Variants in TTC28 observed in about 807,000 individuals in gnomAD.
The protein encoded by TTC28 is tetratricopeptide repeat protein 28.
Under a neutral mutation model 198.0 loss-of-function variants are expected in TTC28, and 61 were observed. That is an observed-to-expected ratio of 0.31 (90% confidence interval 0.25 to 0.38). The LOEUF is 0.38. Ranked by LOEUF, TTC28 falls within the 10% of genes least tolerant of loss-of-function variation. The pLI is 1.00. For synonymous variants in TTC28, 1,171 were observed against 1,297.8 expected (o/e 0.90, Z 2.10); for missense variants, 2,678 against 3,164.0 (o/e 0.85, Z 3.69).
intron 1 of TTC28, among the ~76,000 whole-genome samples, chr22:28,656,037 G>C (rs937245183): frequency 6.6e-6 from 1 of 152,130 alleles, no homozygotes; most frequent in Non-Finnish European, 1.5e-5. Context: ...AACTGAGTTT[G>C]AAATTTTTAA....
intron 2 of TTC28, among the ~76,000 whole-genome samples, chr22:28,387,634 A>G (rs1285578647): frequency 6.6e-6 from 1 of 152,132 alleles, no homozygotes; most frequent in Non-Finnish European, 1.5e-5. Context: ...TGGCTGCATA[A>G]ATGTCTTCTT....
intron 2 of TTC28, among the ~76,000 whole-genome samples, chr22:28,360,502 T>C (rs1217975022): frequency 6.6e-6 from 1 of 152,226 alleles, no homozygotes; most frequent in African/African-American, 2.4e-5. Flanking sequence ...TTTAAAGTTA[T>C]TTTCTTTGGT....
chr22:28,531,761 G>A (rs938828192), intron 2 of TTC28, among the ~76,000 whole-genome samples: 59 of 152,184 alleles, frequency 3.9e-4, no homozygotes, highest in African/African-American at 1.1e-3. Flanking sequence ...AAACTCACTC[G>A]AAACCACTCA....
intron 2 of TTC28, among the ~76,000 whole-genome samples, chr22:28,449,161 T>C (rs2047741918): frequency 6.6e-6 from 1 of 152,196 alleles, no homozygotes; most frequent in African/African-American, 2.4e-5. Flanking sequence ...TCTCATTAAG[T>C]CTAAGGAAGC....
At chr22:28,015,007 G>A (rs1272606990) in intron 13 of TTC28, among the ~76,000 whole-genome samples, 2 of 152,214 alleles carry the variant, frequency 1.3e-5, no homozygotes, top group Non-Finnish European at 2.9e-5. Flanking sequence ...TTAAATTTCT[G>A]TTCCAATGTT....
At chr22:28,661,077 G>A (rs1601675301) in intron 1 of TTC28, among the ~76,000 whole-genome samples, 2 of 151,578 alleles carry the variant, frequency 1.3e-5, no homozygotes, top group Non-Finnish European at 2.9e-5. Context: ...CTGAGGTCGG[G>A]AGTTCGAGAC....
intron 16 of TTC28, 188 bp downstream of exon 16, chr22:27,998,352 G>A: frequency 1.0e-6 from 1 of 958,232 alleles, no homozygotes; most frequent in Non-Finnish European, 1.5e-6. Context: ...GTCCAAAGAT[G>A]ATCTTAATAG....
In TTC28 at chr22:28,324,517, C is replaced by A. The variant is rs533775459; in HGVS notation, c.382-17874G>T. Among the ~76,000 whole-genome samples the A allele has an allele frequency of 1.6e-4, 25 of 152,156 alleles. No homozygotes were observed. The East Asian group carries it at 4.8e-3, about 29-fold the overall frequency. The stretch of plus-strand genomic sequence containing the variant: ...TAAAATACTGGCAAACCAAATTCAG[C>A]AGCACATCAAAAAGCTTATCCACCA... On this transcript the variant is annotated intron_variant, in intron 2 of 22. Transcript: ENST00000397906.
At chr22:28,278,243 C>T (rs1233059117) in intron 5 of TTC28, among the ~76,000 whole-genome samples, 2 of 152,046 alleles carry the variant, frequency 1.3e-5, no homozygotes, top group Non-Finnish European at 2.9e-5. Context: ...CAAATACCTG[C>T]TCTGGGTTTT....
intron 2 of TTC28, among the ~76,000 whole-genome samples, chr22:28,366,922 C>T (rs1437857243): frequency 6.6e-6 from 1 of 151,872 alleles, no homozygotes; most frequent in East Asian, 1.9e-4. Flanking sequence ...AACACCAGAG[C>T]ACCAAGATAG....
At chr22:28,404,118 T>C (rs765273438) in intron 2 of TTC28, among the ~76,000 whole-genome samples, 1 of 152,030 alleles carries the variant, frequency 6.6e-6, no homozygotes. Flanking sequence ...ATGTTTTTTG[T>C]TTGTTTGTTT....
rs554341818 is a variant in TTC28, at chr22:28,163,366, G to C, written c.1167C>G (p.Asn389Lys). ...QHLKIAKDLG[N>K]KREEARAYSN... is the part of the protein sequence containing the mutation. ...TATAAGCCCGGGCCTCTTCTCGCTT[G>C]TTCCCCAGGTCCTTGGCTATCTTCA... The change falls in exon 6 of 23, where the codon AAC (asparagine) becomes AAG (lysine). Residue 389 changes from asparagine to lysine, a missense_variant. By Grantham distance (94) the Asn-to-Lys change is moderately conservative. Coordinates refer to ENST00000397906, the MANE Select transcript of TTC28 (RefSeq NM_001145418.2). 2.1e-5 allele frequency: 33 copies of C among 1,551,962 alleles called. No individual in the cohort carries two copies. The highest frequency in any genetic ancestry group is 2.7e-5 in the Non-Finnish European group (31 of 1,147,080).
chr22:28,163,378 C>T lies in TTC28; in HGVS notation c.1155G>A (p.Lys385=), dbSNP rs1431640321. The stretch of plus-strand genomic sequence containing the variant: ...CCTCTTCTCGCTTGTTCCCCAGGTC[C>T]TTGGCTATCTTCAGATGCTGCTCAT... ...QCHEQHLKIA[K]DLGNKREEAR... is the part of the protein sequence containing the mutation. Residue 385 remains lysine, a synonymous_variant, in exon 6 of 23, where the codon AAG becomes AAA. Transcript: ENST00000397906. 30 of 1,551,950 alleles carry T rather than the reference C, an allele frequency of 1.9e-5. No individual in the cohort carries two copies. The highest frequency in any genetic ancestry group is 2.5e-5 in the Non-Finnish European group (29 of 1,147,082).
intron 2 of TTC28, among the ~76,000 whole-genome samples, chr22:28,450,020 A>T (rs1283023551): frequency 6.6e-6 from 1 of 152,234 alleles, no homozygotes; most frequent in Non-Finnish European, 1.5e-5. Context: ...TAAGACTTGT[A>T]GGATCTAAGG....
At chr22:28,619,677 A>G (rs2050960088) in intron 2 of TTC28, among the ~76,000 whole-genome samples, 1 of 152,254 alleles carries the variant, frequency 6.6e-6, no homozygotes, top group African/African-American at 2.4e-5. Context: ...CTGCATCAAA[A>G]TGAACTCAAA....
At chr22:28,425,227 C>A (rs2047330956) in intron 2 of TTC28, among the ~76,000 whole-genome samples, 1 of 152,194 alleles carries the variant, frequency 6.6e-6, no homozygotes, top group South Asian at 2.1e-4. Flanking sequence ...CTGGATGTGT[C>A]ATTTAATGTA....
At position 27,989,903 on chromosome 22, in the gene TTC28, T is replaced by G. The variant is rs780418174; in HGVS notation, c.5682A>C (p.Gly1894=). The change falls in exon 21 of 23, where the codon GGA becomes GGC. Residue 1894 remains glycine (G), a synonymous_variant. Coordinates refer to ENST00000397906, the MANE Select transcript of TTC28 (RefSeq NM_001145418.2). Reference sequence around the variant, plus strand: ...CTAGAGCTGCCAGGAACTCGTGGCATCCCGGGAGCCGCCACAGCTGGACGC... The same window carrying G: ...CTAGAGCTGCCAGGAACTCGTGGCAGCCCGGGAGCCGCCACAGCTGGACGC... ...SISVQLWRLP[G]CHEFLAALGF... 1 of 1,551,158 alleles carries G rather than the reference T, an allele frequency of 6.4e-7. No individual in the cohort carries two copies. Among genetic ancestry groups the G allele is most frequent in the Non-Finnish European group, 8.7e-7 (1 of 1,146,774 alleles).
intron 1 of TTC28, among the ~76,000 whole-genome samples, chr22:28,633,042 G>A (rs1457943526): frequency 1.3e-5 from 2 of 152,068 alleles, no homozygotes; most frequent in Non-Finnish European, 2.9e-5. Context: ...CACTTTGGGA[G>A]GCCGAGGTGG....
chr22:28,316,468 A>G (rs1392381179), intron 2 of TTC28, among the ~76,000 whole-genome samples: 2 of 152,076 alleles, frequency 1.3e-5, no homozygotes, highest in Non-Finnish European at 2.9e-5. Flanking sequence ...TCAGATGTCT[A>G]TATGTACAAA....
Sources: gnomAD v4.1 joint callset for allele counts (sites outside exome capture counted in the v4.1 genomes callset) on GRCh38, gnomAD v4.1.1 for gene constraint, MANE v1.5 for transcripts, NCBI Gene and HGNC (gene_info 2026-07-23, HGNC 2026-07-21) for gene names.